Variants in IGF2R observed in about 807,000 individuals in gnomAD.
IGF2R encodes insulin like growth factor 2 receptor, also known as cation-independent mannose-6-phosphate receptor.
IGF2R carries 91 observed loss-of-function variants against 270.6 expected under a neutral mutation model. The ratio of observed to expected loss-of-function variants is 0.34; its 90% CI spans 0.28 to 0.40. IGF2R has a LOEUF of 0.40. IGF2R is among the 10% of genes least tolerant of loss of function. The probability of loss-of-function intolerance (pLI) is 1.00; values close to 1 mark genes in which losing one functional copy is unlikely to be tolerated. For synonymous variants in IGF2R, 1,316 were observed against 1,258.9 expected (o/e 1.05, Z -0.96); for missense variants, 2,805 against 3,188.3 (o/e 0.88, Z 2.90).
rs766865849 is a variant in IGF2R at position 160,060,589 on chromosome 6, A to G, written c.3134A>G (p.Asp1045Gly). The G allele has an allele frequency of 1.2e-6, 2 of 1,614,106 alleles. No individual in the cohort carries two copies. Among genetic ancestry groups the G allele is most frequent in the African/African-American group, 2.7e-5 (2 of 74,926 alleles). ...AFIVRFVCND[D>G]VYSGPLKFLH... ...ATCGTCCGCTTTGTTTGCAATGATG[A>G]TGTTTACTCAGGGCCCCTCAAATTC... The change falls in exon 23 of 48, where the codon GAT (aspartate) becomes GGT (glycine). Residue 1045 changes from aspartate (D) to glycine (G), a missense_variant. Around this residue, in one of 2 missense-constraint regions of IGF2R, gnomAD observed 1,851 missense variants for 2,207.2 expected, o/e 0.84. Transcript: ENST00000356956.
rs777823735 is a variant in IGF2R at position 160,009,065 on chromosome 6, G to A, written c.345G>A (p.Val115=). The A allele has an allele frequency of 1.9e-6, 3 of 1,613,794 alleles. No individual in the cohort carries two copies. The highest frequency in any genetic ancestry group is 1.3e-5 in the African/African-American group (1 of 74,982). Residue 115 remains valine, a synonymous_variant, in exon 3 of 48, where the codon GTG becomes GTA. Coordinates refer to ENST00000356956, the MANE Select transcript of IGF2R (RefSeq NM_000876.4). Reference sequence around the variant, plus strand: ...CTCTCCTGGAATTCAACACAACAGTGAGCTGTGACCAGCAAGGCACAAATC... The same window carrying A: ...CTCTCCTGGAATTCAACACAACAGTAAGCTGTGACCAGCAAGGCACAAATC... ...TRSLLEFNTT[V]SCDQQGTNHR...
At chr6:159,986,346 C>T (rs1278377769) in intron 1 of IGF2R, among the ~76,000 whole-genome samples, 2 of 151,484 alleles carry the variant, frequency 1.3e-5, no homozygotes, top group East Asian at 1.9e-4. Context: ...ATTCTCGTGC[C>T]TCAGCCTCCC....
chr6:160,003,040 T>G (rs1238237659), intron 2 of IGF2R, among the ~76,000 whole-genome samples: 4 of 152,216 alleles, frequency 2.6e-5, no homozygotes, highest in Non-Finnish European at 5.9e-5. Flanking sequence ...CCTGGAATTC[T>G]GTTTGGCTTC....
chr6:160,036,278 C>G (rs931774055), intron 10 of IGF2R, among the ~76,000 whole-genome samples: 3 of 152,090 alleles, frequency 2.0e-5, no homozygotes, highest in Non-Finnish European at 2.9e-5. Flanking sequence ...CTCTCATCGC[C>G]CTCACCTCCT....
chr6:160,026,086 G>A (rs941373212), intron 5 of IGF2R, among the ~76,000 whole-genome samples: 10 of 152,048 alleles, frequency 6.6e-5, no homozygotes, highest in African/African-American at 1.2e-4. Context: ...GGATAGTTTC[G>A]GACTTGCCAT....
chr6:160,056,619 T>G lies in IGF2R; in HGVS notation c.2796+94T>G, dbSNP rs1035641201. On this transcript the variant is annotated intron_variant, in intron 20 of 47. Coordinates refer to ENST00000356956, the MANE Select transcript of IGF2R (RefSeq NM_000876.4). ...CCAGCTCTGAACCGACCCCTGCCCC[T>G]TCTTTCTGAATCAGTTACTATGTTG... 11 of 826,334 alleles carry G rather than the reference T, an allele frequency of 1.3e-5. No individual in the cohort carries two copies. The African/African-American group carries it at 1.3e-4, about 10-fold the overall frequency. The allele number at this position is 826,334 out of a possible 1,614,324, so 51.2% of individuals were successfully genotyped here.
intron 4 of IGF2R, among the ~76,000 whole-genome samples, chr6:160,022,181 AAAT>A (rs532767607): frequency 7.9e-4 from 120 of 152,348 alleles, no homozygotes; most frequent in African/African-American, 2.4e-3. Flanking sequence ...AGTGGGAACT[AAAT>A]AATACATACA....
chr6:160,046,745 G>T, intron 15 of IGF2R, 100 bp downstream of exon 15: 1 of 1,285,278 alleles, frequency 7.8e-7, no homozygotes. Context: ...ATTGCTTTAT[G>T]ACAAGCATTT....
Position 160,044,033 on chromosome 6 carries a change from C to T in IGF2R, c.1622-481C>T, listed in dbSNP as rs8191782. 6.6e-3 allele frequency among the ~76,000 whole-genome samples: 999 copies of T among 152,246 alleles called. 3 individuals carry two copies. Among genetic ancestry groups the T allele is most frequent in the Non-Finnish European group, 9.6e-3 (656 of 68,026 alleles). On this transcript the variant is annotated intron_variant, in intron 12 of 47. Transcript: ENST00000356956. Reference sequence around the variant, plus strand: ...AAAAGCAAGTGAACTAAGAAGTAAGCGGCCTCCTGCTTGGGTTGCTAAACA... The same window carrying T: ...AAAAGCAAGTGAACTAAGAAGTAAGTGGCCTCCTGCTTGGGTTGCTAAACA...
chr6:160,013,199 A>G (rs1396713411), intron 4 of IGF2R, among the ~76,000 whole-genome samples: 2 of 152,130 alleles, frequency 1.3e-5, no homozygotes, highest in African/African-American at 4.8e-5. Flanking sequence ...TTGCTTTCCA[A>G]AATAAAATGA....
chr6:160,040,028 C>T (rs973888612), intron 10 of IGF2R, among the ~76,000 whole-genome samples: 15 of 152,158 alleles, frequency 9.9e-5, no homozygotes, highest in Admixed American at 3.9e-4. Flanking sequence ...AGGACCTTGG[C>T]GTGCTTCACT....
chr6:160,009,197 C>T, intron 3 of IGF2R, 63 bp downstream of exon 3: 6 of 1,475,176 alleles, frequency 4.1e-6, no homozygotes, highest in Admixed American at 2.0e-5. Flanking sequence ...CCTTGGTGTT[C>T]TGGCTGTAGA....
chr6:160,076,803 C>G (rs1778864028), intron 36 of IGF2R, among the ~76,000 whole-genome samples: 2 of 151,692 alleles, frequency 1.3e-5, no homozygotes, highest in Admixed American at 6.7e-5. Flanking sequence ...ATTGATACAT[C>G]TAGCTGCAGA....
At chr6:160,101,755 C>T (rs1779489683) in intron 45 of IGF2R, among the ~76,000 whole-genome samples, 1 of 152,248 alleles carries the variant, frequency 6.6e-6, no homozygotes, top group African/African-American at 2.4e-5. Flanking sequence ...ATCTTGCTCC[C>T]TAAGCGCAAA....
intron 31 of IGF2R, among the ~76,000 whole-genome samples, chr6:160,071,353 C>G (rs1778734319): frequency 6.7e-6 from 1 of 149,856 alleles, no homozygotes; most frequent in South Asian, 2.1e-4. Flanking sequence ...ATCAGGGTGC[C>G]CAGCAGGAAT....
intron 2 of IGF2R, among the ~76,000 whole-genome samples, chr6:159,995,916 A>G (rs1409680605): frequency 8.2e-6 from 1 of 122,540 alleles, no homozygotes; most frequent in East Asian, 2.3e-4. Flanking sequence ...TTTTTTTTTT[A>G]ATACTTCTAG....
intron 6 of IGF2R, among the ~76,000 whole-genome samples, chr6:160,028,120 A>G (rs1409782862): frequency 1.3e-5 from 2 of 152,234 alleles, no homozygotes; most frequent in African/African-American, 4.8e-5. Context: ...TAAACCACAG[A>G]AATGTATTTC....
intron 14 of IGF2R, 72 bp from the exon 15 acceptor site, chr6:160,046,426 C>A (rs539789642): frequency 2.8e-6 from 4 of 1,446,496 alleles, no homozygotes; most frequent in Admixed American, 4.6e-5. Flanking sequence ...CCCTTTCAAA[C>A]TGTGGGGTGA....
intron 13 of IGF2R, among the ~76,000 whole-genome samples, 163 bp from the exon 14 acceptor site, chr6:160,045,582 G>A (rs1778050565): frequency 6.6e-6 from 1 of 152,146 alleles, no homozygotes; most frequent in Non-Finnish European, 1.5e-5. Context: ...ACCTCATATA[G>A]GTGGAATGCT....
Sources: gnomAD v4.1 joint callset for allele counts (sites outside exome capture counted in the v4.1 genomes callset) on GRCh38, gnomAD v4.1.1 for gene constraint, gnomAD v4.1.1 regional missense constraint, MANE v1.5 for transcripts, NCBI Gene and HGNC (gene_info 2026-07-23, HGNC 2026-07-21) for gene names.